Variants in INPP4B observed in about 807,000 individuals in gnomAD.
INPP4B encodes the protein inositol polyphosphate-4-phosphatase type II B.
In INPP4B, 55 loss-of-function variants were observed where a neutral mutation model predicts 122.5. That is an observed-to-expected ratio of 0.45 (90% CI 0.36 to 0.56). The LOEUF (loss-of-function observed/expected upper bound fraction) is 0.56, where lower values mean the gene tolerates loss of function less well. Among genes scored for constraint, INPP4B ranks in the 20% least tolerant of loss-of-function variants. INPP4B has a pLI of 0.00. For missense variants in INPP4B, 1,000 were observed against 1,097.7 expected, an observed-to-expected ratio of 0.91 and a Z score of 1.26; for synonymous variants, 403 against 388.7, an observed-to-expected ratio of 1.04 and a Z score of -0.43.
chr4:142,495,692 A>G (rs148922924), intron 2 of INPP4B, among the ~76,000 whole-genome samples: 2 of 152,222 alleles, frequency 1.3e-5, no homozygotes, highest in African/African-American at 4.8e-5. Flanking sequence ...GGATTTTCAG[A>G]CTTTTAATCA....
Position 142,427,432 on chromosome 4 carries a change from T to C in INPP4B, c.136+1741A>G, listed in dbSNP as rs564827883. The C allele has an allele frequency of 4.5e-5, 29 of 639,568 alleles. No individual in the cohort carries two copies. The African/African-American group carries it at 4.7e-4, about 10-fold the overall frequency. 39.6% of individuals were successfully genotyped at this position (639,568 alleles called of 1,614,324 possible). A position where few individuals can be genotyped will look rare whatever the true frequency, so the allele number is the denominator to read the frequency against. On this transcript the variant is annotated intron_variant, in intron 5 of 25. Transcript: ENST00000262992. Reference sequence around the variant, plus strand: ...TTTTTATACTGGTAGAACATTATTATGAATAAATTCTTGCAGCTGCTAATC... The same window carrying C: ...TTTTTATACTGGTAGAACATTATTACGAATAAATTCTTGCAGCTGCTAATC...
chr4:142,248,719 G>T (rs779676016), intron 11 of INPP4B, among the ~76,000 whole-genome samples: 1 of 151,796 alleles, frequency 6.6e-6, no homozygotes, highest in Non-Finnish European at 1.5e-5. Context: ...AGGGCCATGT[G>T]GGGAAATCAA....
chr4:142,602,421 C>CA (rs1241095196), intron 2 of INPP4B, among the ~76,000 whole-genome samples: 35 of 152,092 alleles, frequency 2.3e-4, no homozygotes, highest in Middle Eastern at 6.8e-3. Context: ...TTTATGGATT[C>CA]AATGCTATTC....
intron 7 of INPP4B, among the ~76,000 whole-genome samples, chr4:142,366,625 T>C (rs755932159): frequency 6.6e-6 from 1 of 152,080 alleles, no homozygotes; most frequent in Non-Finnish European, 1.5e-5. Flanking sequence ...GGAATAAAAA[T>C]AGGAGGATTC....
chr4:142,565,956 A>C (rs1347599154), intron 2 of INPP4B: 2 of 152,196 alleles, frequency 1.3e-5, no homozygotes, highest in Non-Finnish European at 2.9e-5. Flanking sequence ...CTAGTATAAG[A>C]GACACACCAA....
At chr4:142,681,382 C>T (rs1255843394) in intron 2 of INPP4B, among the ~76,000 whole-genome samples, 1 of 151,708 alleles carries the variant, frequency 6.6e-6, no homozygotes, top group African/African-American at 2.4e-5. Context: ...CTGGAGATGC[C>T]AGGACCTAAG....
chr4:142,614,606 C>A (rs1034259857), intron 2 of INPP4B, among the ~76,000 whole-genome samples: 1 of 152,022 alleles, frequency 6.6e-6, no homozygotes, highest in Non-Finnish European at 1.5e-5. Flanking sequence ...AGTAAACAGG[C>A]AACCTACAGG....
intron 1 of INPP4B, among the ~76,000 whole-genome samples, chr4:142,793,746 A>G (rs1182808395): frequency 1.3e-5 from 2 of 152,044 alleles, no homozygotes; most frequent in Non-Finnish European, 2.9e-5. Flanking sequence ...TATAAAACCA[A>G]TTGCATTTCA....
At chr4:142,176,968 C>A (rs1317325318) in intron 15 of INPP4B, among the ~76,000 whole-genome samples, 1 of 152,158 alleles carries the variant, frequency 6.6e-6, no homozygotes, top group Non-Finnish European at 1.5e-5. Flanking sequence ...CTCTTCATTA[C>A]CAGTGTTTGC....
At chr4:142,206,578 A>T (rs1274937571) in intron 14 of INPP4B, among the ~76,000 whole-genome samples, 1 of 152,000 alleles carries the variant, frequency 6.6e-6, no homozygotes, top group African/African-American at 2.4e-5. Context: ...AGTTTCAGAC[A>T]ATTCTAAAGC....
At chr4:142,164,860 A>T (rs1401919179) in intron 16 of INPP4B, among the ~76,000 whole-genome samples, 2 of 151,698 alleles carry the variant, frequency 1.3e-5, no homozygotes, top group Non-Finnish European at 2.9e-5. Context: ...AGCTTCCCAA[A>T]GTGCTAGGAT....
chr4:142,709,129 T>C (rs1208522950), intron 2 of INPP4B, among the ~76,000 whole-genome samples: 2 of 152,190 alleles, frequency 1.3e-5, no homozygotes, highest in African/African-American at 2.4e-5. Flanking sequence ...GGGCCTGTAG[T>C]GCCTTTGTTT....
chr4:142,684,469 T>A (rs2150696224), intron 2 of INPP4B, among the ~76,000 whole-genome samples: 1 of 152,108 alleles, frequency 6.6e-6, no homozygotes, highest in Admixed American at 6.6e-5. Flanking sequence ...ATGATATGAA[T>A]GAAGTCTTCT....
intron 1 of INPP4B, chr4:142,768,059 G>A (rs1436477541): frequency 6.6e-6 from 1 of 152,166 alleles, no homozygotes; most frequent in East Asian, 1.9e-4. Context: ...AGTGACACAG[G>A]GCACTGGAAG....
intron 2 of INPP4B, among the ~76,000 whole-genome samples, chr4:142,626,954 C>T (rs78435738): frequency 0.022 from 3,325 of 152,064 alleles, 50 homozygotes; most frequent in Middle Eastern, 0.088. Context: ...CAAATGAAAG[C>T]CTCAAGTAGC....
chr4:142,519,404 T>G (rs2149909358), intron 2 of INPP4B, among the ~76,000 whole-genome samples: 1 of 152,282 alleles, frequency 6.6e-6, no homozygotes, highest in East Asian at 1.9e-4. Flanking sequence ...AGCAGACTAC[T>G]GCTGATATAA....
intron 16 of INPP4B, among the ~76,000 whole-genome samples, chr4:142,161,692 CAACTAAAGAA>C (rs966110082): frequency 2.0e-5 from 3 of 151,832 alleles, no homozygotes; most frequent in African/African-American, 7.3e-5. Flanking sequence ...ACAGCATCAG[CAACTAAAGAA>C]AACCAGTTAA....
chr4:142,709,561 T>C (rs1379622559), intron 2 of INPP4B, among the ~76,000 whole-genome samples: 1 of 152,150 alleles, frequency 6.6e-6, no homozygotes, highest in Non-Finnish European at 1.5e-5. Flanking sequence ...TTTAAAACTA[T>C]GTAGCACCTC....
At chr4:142,139,344 T>G (rs2152821608) in intron 18 of INPP4B, among the ~76,000 whole-genome samples, 1 of 152,250 alleles carries the variant, frequency 6.6e-6, no homozygotes, top group African/African-American at 2.4e-5. Flanking sequence ...AGTCTCACTG[T>G]CACCCAGCCT....
Sources: gnomAD v4.1 joint callset for allele counts (sites outside exome capture counted in the v4.1 genomes callset) on GRCh38, gnomAD v4.1.1 for gene constraint, MANE v1.5 for transcripts, NCBI Gene and HGNC (gene_info 2026-07-23, HGNC 2026-07-21) for gene names.